Variants in USH2A observed in about 807,000 individuals in gnomAD.
USH2A encodes Usher syndrome 2A (autosomal recessive, mild).
In USH2A, 443 loss-of-function variants were observed where a neutral mutation model predicts 538.9. That is an observed-to-expected ratio of 0.82 (90% CI 0.76 to 0.89). The LOEUF is 0.89. Ranked by LOEUF, USH2A falls within the 40% of genes least tolerant of loss-of-function variation. The pLI is 0.00. For synonymous variants in USH2A, 2,413 were observed against 2,273.5 expected (o/e 1.06, Z -1.75); for missense variants, 6,633 against 6,324.8 (o/e 1.05, Z -1.65).
intron 35 of USH2A, among the ~76,000 whole-genome samples, chr1:215,980,752 A>AT (rs1268870988): frequency 6.6e-6 from 1 of 152,182 alleles, no homozygotes. Flanking sequence ...GTAACATGAT[A>AT]TTCATGTGTT....
chr1:215,738,373 G>A (rs1199435246), intron 60 of USH2A, among the ~76,000 whole-genome samples: 1 of 151,940 alleles, frequency 6.6e-6, no homozygotes, highest in African/African-American at 2.4e-5. Flanking sequence ...ATCTTTTTTT[G>A]TGACTTATAT....
rs2039696244 is a variant in USH2A, at chr1:216,422,468, A to G, written c.-132T>C. 3 of 1,342,736 alleles carry G rather than the reference A, an allele frequency of 2.2e-6. No homozygotes were observed. The highest frequency in any genetic ancestry group is 2.1e-6 in the Non-Finnish European group (2 of 966,346). 83.2% of individuals were successfully genotyped at this position (1,342,736 alleles called of 1,614,324 possible). A position where few individuals can be genotyped will look rare whatever the true frequency, so the allele number is the denominator to read the frequency against. The stretch of plus-strand genomic sequence containing the variant: ...CGATACTCCATTTTCTGGAAACTGC[A>G]GACACGTTCTCAGAGTAAGGTAATA... On this transcript the variant is annotated 5_prime_UTR_variant, in exon 2 of 72. Coordinates refer to ENST00000307340, the MANE Select transcript of USH2A (RefSeq NM_206933.4).
At chr1:215,683,803 CT>C (rs56235866) in intron 61 of USH2A, among the ~76,000 whole-genome samples, 48,817 of 151,842 alleles carry the variant, frequency 0.32, 9,194 homozygotes, top group East Asian at 0.51. Flanking sequence ...ACTTCTTCCC[CT>C]TTATTGCCAT....
At chr1:215,636,404 C>T (rs1022597680) in intron 69 of USH2A, among the ~76,000 whole-genome samples, 2 of 152,190 alleles carry the variant, frequency 1.3e-5, no homozygotes, top group Non-Finnish European at 2.9e-5. Context: ...TGGACTCTGA[C>T]CTTTGCTTCT....
chr1:215,771,942 T>C (rs73088894), intron 55 of USH2A, among the ~76,000 whole-genome samples: 2 of 152,018 alleles, frequency 1.3e-5, no homozygotes, highest in Non-Finnish European at 2.9e-5. Flanking sequence ...GTTTTTATAT[T>C]TTTCATATTG....
At chr1:215,902,081 T>G (rs1404784210) in intron 38 of USH2A, among the ~76,000 whole-genome samples, 3 of 151,900 alleles carry the variant, frequency 2.0e-5, no homozygotes, top group African/African-American at 7.2e-5. Flanking sequence ...CATAATTTAA[T>G]TGCTAGTATA....
intron 30 of USH2A, among the ~76,000 whole-genome samples, chr1:216,050,343 C>G (rs918840121): frequency 6.6e-6 from 1 of 152,000 alleles, no homozygotes; most frequent in African/African-American, 2.4e-5. Flanking sequence ...TAATCTCGGT[C>G]TTGAAGGAAA....
At position 215,627,417 on chromosome 1, in the gene USH2A, C is replaced by CTTCCTTCTTTCCTTCCTTCT. The variant is rs1558027271; in HGVS notation, c.15519+1396_15519+1397insAGAAGGAAGGAAAGAAGGAA. On this transcript the variant is annotated intron_variant, in intron 71 of 71. Transcript: ENST00000307340. ...CCTTCCTTCCTTCCTTCCTTCCTTC[C>CTTCCTTCTTTCCTTCCTTCT]TTCCTTCCTTCCTTCCTTCCTTCCT... Among the ~76,000 whole-genome samples the CTTCCTTCTTTCCTTCCTTCT allele has an allele frequency of 1.3e-4, 15 of 113,884 alleles. 2 individuals are homozygous for CTTCCTTCTTTCCTTCCTTCT. Among genetic ancestry groups the CTTCCTTCTTTCCTTCCTTCT allele is most frequent in the African/African-American group, 4.8e-4 (14 of 29,184 alleles). 74.7% of individuals were successfully genotyped at this position (113,884 alleles called of 152,430 possible). A position where few individuals can be genotyped will look rare whatever the true frequency, so the allele number is the denominator to read the frequency against.
At chr1:215,657,877 T>C (rs1657311967) in intron 64 of USH2A, among the ~76,000 whole-genome samples, 1 of 151,828 alleles carries the variant, frequency 6.6e-6, no homozygotes, top group Admixed American at 6.6e-5. Context: ...CTCTAATACC[T>C]GAAGAAGGAA....
At chr1:215,881,118 C>A (rs971337305) in intron 41 of USH2A, among the ~76,000 whole-genome samples, 3 of 152,002 alleles carry the variant, frequency 2.0e-5, no homozygotes, top group Admixed American at 2.0e-4. Context: ...ATCAATCAAT[C>A]AATCAATTAA....
chr1:216,296,306 G>C (rs1266409862), intron 9 of USH2A, among the ~76,000 whole-genome samples: 1 of 151,884 alleles, frequency 6.6e-6, no homozygotes, highest in African/African-American at 2.4e-5. Context: ...ATTCTTTTTG[G>C]AGTGATAAAG....
chr1:215,770,303 C>T (rs1055001768), intron 55 of USH2A, among the ~76,000 whole-genome samples: 2 of 151,970 alleles, frequency 1.3e-5, no homozygotes, highest in African/African-American at 4.8e-5. Flanking sequence ...GAAGATTAAG[C>T]AGCATTTAGA....
At chr1:216,348,139 T>C (rs2038214135) in intron 4 of USH2A, among the ~76,000 whole-genome samples, 1 of 152,170 alleles carries the variant, frequency 6.6e-6, no homozygotes, top group African/African-American at 2.4e-5. Context: ...CATATTTGAT[T>C]CTACCTAATT....
chr1:216,114,687 G>A (rs976528921), intron 21 of USH2A, among the ~76,000 whole-genome samples: 4 of 152,148 alleles, frequency 2.6e-5, no homozygotes, highest in African/African-American at 9.7e-5. Flanking sequence ...AAACATTTTA[G>A]GTGATTGGTA....
At chr1:216,263,239 A>C (rs1226686528) in intron 11 of USH2A, among the ~76,000 whole-genome samples, 1 of 152,160 alleles carries the variant, frequency 6.6e-6, no homozygotes, top group African/African-American at 2.4e-5. Flanking sequence ...CTATTCCAAA[A>C]AATTGAAGGA....
At chr1:216,306,727 G>A (rs1358424739) in intron 9 of USH2A, among the ~76,000 whole-genome samples, 1 of 152,102 alleles carries the variant, frequency 6.6e-6, no homozygotes, top group Non-Finnish European at 1.5e-5. Context: ...TTCCCTAGAT[G>A]TGGGTGCTCC....
chr1:216,152,589 C>T (rs1383818235), intron 21 of USH2A, among the ~76,000 whole-genome samples: 1 of 152,202 alleles, frequency 6.6e-6, no homozygotes, highest in Admixed American at 6.5e-5. Context: ...CCTTCACTGA[C>T]TCTCTTTTCA....
rs1318378785 is a variant in USH2A, at chr1:216,321,935, C to T, written c.1592G>A (p.Ser531Asn). 2 of 1,613,818 alleles carry T rather than the reference C, an allele frequency of 1.2e-6. No homozygotes were observed. The highest frequency in any genetic ancestry group is 1.7e-5 in the Admixed American group (1 of 59,976). The change falls in exon 9 of 72, where the codon AGC becomes AAC. Residue 531 changes from serine (S) to asparagine (N), a missense_variant. By Grantham distance (46) the Ser-to-Asn change is conservative. Transcript: ENST00000307340. ...HGHADNCDTT[S>N]QPYRCLCSQE... ...GGAGCAGAGGCATCTATATGGCTGG[C>T]TTGTTGTGTCGCAGTTATCGGCATG...
intron 61 of USH2A, among the ~76,000 whole-genome samples, chr1:215,702,451 T>C (rs1003878596): frequency 6.6e-6 from 1 of 152,196 alleles, no homozygotes; most frequent in Non-Finnish European, 1.5e-5. Context: ...CATTTTCAGG[T>C]ACACCAATTA....
Sources: allele counts gnomAD v4.1 joint callset (sites outside exome capture counted in the v4.1 genomes callset), GRCh38; gene constraint gnomAD v4.1.1; transcripts MANE v1.5; gene names NCBI Gene and HGNC (gene_info 2026-07-23, HGNC 2026-07-21).